ZNF544: variants seen among roughly 807,000 people sequenced by gnomAD.
ZNF544 encodes the protein zinc finger protein 544.
Under a neutral mutation model 13.5 loss-of-function variants are expected in ZNF544, and 10 were observed. The observed-to-expected ratio is 0.74, with a 90% confidence interval of 0.46 to 1.25. The LOEUF is 1.25. Ranked by LOEUF, ZNF544 falls within the 50% of genes most tolerant of loss-of-function variation. The pLI is 0.00. For synonymous variants in ZNF544, 323 were observed against 300.5 expected, an observed-to-expected ratio of 1.07 and a Z score of -0.77; for missense variants, 896 against 845.6, an observed-to-expected ratio of 1.06 and a Z score of -0.74.
Position 58,246,737 on chromosome 19 carries a change from ATC to A in ZNF544, c.192_193del (p.Gln65AlafsTer23), listed in dbSNP as rs775514815. The A allele has an allele frequency of 1.2e-6, 2 of 1,614,044 alleles. No homozygotes were observed. Among genetic ancestry groups the A allele is most frequent in the South Asian group, 1.1e-5 (1 of 91,080 alleles). Reference sequence around the variant, plus strand: ...GCTTTTCCTTTCCAAATCTGATGTGATCTCTCAGCTGGAGCAAGAAGAGGACC... The same window carrying A: ...GCTTTTCCTTTCCAAATCTGATGTGATCTCAGCTGGAGCAAGAAGAGGACC... ...LGLFLSKSDV[I>X]SQLEQEEDLC... is the part of the protein sequence containing the mutation. On this transcript the variant is annotated frameshift_variant, in exon 6 of 7. Coordinates refer to ENST00000687789, the MANE Select transcript of ZNF544 (RefSeq NM_014480.4). LOFTEE classifies it high-confidence loss of function.
At chr19:58,251,189 C>G (rs2046242731) in intron 6 of ZNF544, 2 of 371,984 alleles carry the variant, frequency 5.4e-6, no homozygotes, top group Non-Finnish European at 1.1e-5. Flanking sequence ...TAGAAGAAAG[C>G]AATTAAATTG....
At chr19:58,254,867 T>C in intron 6 of ZNF544, among the ~76,000 whole-genome samples, 1 of 150,260 alleles carries the variant, frequency 6.7e-6, no homozygotes, top group East Asian at 1.9e-4. Context: ...TTTCTTTCTT[T>C]TTTTTTTTTT....
At position 58,243,972 on chromosome 19, in the gene ZNF544, T is replaced by G. The variant is rs1475934980; in HGVS notation, c.-52T>G. 1 of 1,578,230 alleles carries G rather than the reference T, an allele frequency of 6.3e-7. No individual in the cohort carries two copies. The highest frequency in any genetic ancestry group is 8.6e-7 in the Non-Finnish European group (1 of 1,161,262). On this transcript the variant is annotated 5_prime_UTR_variant, in exon 4 of 7. Transcript: ENST00000687789. ...GCTTGTTTTCCACCCCAGACTGGTC[T>G]TCTGAGGACCTCTGCCCTCTACACA...
At chr19:58,276,054 G>T (rs1387045379) in intron 5 of ZNF544, among the ~76,000 whole-genome samples, 1 of 152,136 alleles carries the variant, frequency 6.6e-6, no homozygotes, top group African/African-American at 2.4e-5. Context: ...GCTCTCACCT[G>T]TGCTCCCAGC....
intron 5 of ZNF544, among the ~76,000 whole-genome samples, chr19:58,273,977 G>T (rs1476079542): frequency 6.6e-6 from 1 of 151,858 alleles, no homozygotes; most frequent in African/African-American, 2.4e-5. Flanking sequence ...TGTATTTTTA[G>T]TAGAGACGGG....
At chr19:58,237,542 G>A (rs1169113422) in intron 3 of ZNF544, among the ~76,000 whole-genome samples, 1 of 152,204 alleles carries the variant, frequency 6.6e-6, no homozygotes, top group Non-Finnish European at 1.5e-5. Context: ...CACCTCACGG[G>A]CTGACGGAGC....
In ZNF544 at chr19:58,261,573, G is replaced by C; in HGVS notation, c.967G>C (p.Glu323Gln). ...LVQTERSGPGETPFRCEERCA... is the reference protein window; with the variant it reads ...LVQTERSGPGQTPFRCEERCA... ...ACAAACAGAAAGAAGTGGCCCTGGA[G>C]AGACCCCCTTCAGATGTGAGGAACG... Residue 323 changes from glutamate (E) to glutamine (Q), a missense_variant, in exon 7 of 7, where the codon GAG (glutamate) becomes CAG (glutamine). Coordinates refer to ENST00000687789, the MANE Select transcript of ZNF544 (RefSeq NM_014480.4). The C allele has an allele frequency of 6.2e-7, 1 of 1,614,200 alleles. No individual in the cohort carries two copies. The highest frequency in any genetic ancestry group is 8.5e-7 in the Non-Finnish European group (1 of 1,180,034).
At chr19:58,240,891 T>C (rs79259289) in intron 3 of ZNF544, among the ~76,000 whole-genome samples, 29,913 of 151,482 alleles carry the variant, frequency 0.2, 3,588 homozygotes, top group East Asian at 0.56. Context: ...GTTTAGCATT[T>C]ACCTTTTTGG....
rs930788736 is a variant in ZNF544, at chr19:58,263,383, C to T, written c.*629C>T. 1.0e-6 allele frequency: 1 copy of T among 967,538 alleles called. No homozygotes were observed. The highest frequency in any genetic ancestry group is 1.2e-6 in the Non-Finnish European group (1 of 814,142). 59.9% of individuals were successfully genotyped at this position (967,538 alleles called of 1,614,324 possible). On this transcript the variant is annotated 3_prime_UTR_variant, in exon 7 of 7. Coordinates refer to ENST00000687789, the MANE Select transcript of ZNF544 (RefSeq NM_014480.4). ...GGCTGAGGTGGGAGGATCACTTGAG[C>T]TTGGGAGGCGGTGGTTGCAGTGAGC... is the stretch of plus-strand genomic sequence containing the variant.
At chr19:58,247,597 T>TG (rs1001268745) in intron 6 of ZNF544, 11 of 151,982 alleles carry the variant, frequency 7.2e-5, no homozygotes, top group African/African-American at 2.7e-4. Flanking sequence ...GGTTTCTCCA[T>TG]GTTGGTCAGG....
intron 5 of ZNF544, among the ~76,000 whole-genome samples, chr19:58,273,868 TC>T (rs1490181236): frequency 1.8e-4 from 27 of 151,618 alleles, no homozygotes; most frequent in Admixed American, 1.8e-3. Context: ...TGGCCTCAGC[TC>T]ACTGCAACCT....
chr19:58,231,553 T>C (rs1383370367), intron 3 of ZNF544, among the ~76,000 whole-genome samples: 1 of 152,142 alleles, frequency 6.6e-6, no homozygotes, highest in African/African-American at 2.4e-5. Flanking sequence ...CCGGTGTGTT[T>C]TAATTCATGT....
chr19:58,256,248 G>C (rs948949233), intron 6 of ZNF544, among the ~76,000 whole-genome samples: 1 of 152,072 alleles, frequency 6.6e-6, no homozygotes, highest in African/African-American at 2.4e-5. Flanking sequence ...CCAGTGGAGG[G>C]TGTCTATGTT....
At chr19:58,277,044 A>T (rs979652526) in intron 6 of ZNF544, 1 of 455,684 alleles carries the variant, frequency 2.2e-6, no homozygotes, top group Non-Finnish European at 3.6e-6. Context: ...TTAAAGTATC[A>T]GTCTGATTAT....
chr19:58,247,082 T>C (rs1204551031), intron 6 of ZNF544, among the ~76,000 whole-genome samples: 2 of 151,730 alleles, frequency 1.3e-5, no homozygotes, highest in Admixed American at 6.6e-5. Context: ...TTAATTAATG[T>C]ATGTATTTAT....
At chr19:58,266,289 A>T (rs928114946), downstream of ZNF544, among the ~76,000 whole-genome samples, 13 of 146,616 alleles carry the variant, frequency 8.9e-5, no homozygotes, top group South Asian at 2.2e-4. Flanking sequence ...GAGGCCAAGG[A>T]GGGTGGATCA....
chr19:58,252,967 G>A (rs907418746), intron 6 of ZNF544, among the ~76,000 whole-genome samples: 3 of 152,136 alleles, frequency 2.0e-5, no homozygotes, highest in East Asian at 3.9e-4. Flanking sequence ...TTACAGGCAC[G>A]TGCCGCCACA....
chr19:58,253,335 C>A (rs1437279116), intron 6 of ZNF544, among the ~76,000 whole-genome samples: 1 of 152,064 alleles, frequency 6.6e-6, no homozygotes, highest in Non-Finnish European at 1.5e-5. Flanking sequence ...TTTTTATTAC[C>A]AATGAATATC....
At position 58,263,142 on chromosome 19, in the gene ZNF544, G is replaced by A. The variant is rs987688603; in HGVS notation, c.*388G>A. 1.5e-5 allele frequency: 15 copies of A among 1,007,758 alleles called. No homozygotes were observed. In the African/African-American group the frequency reaches 2.4e-4, roughly 16 times the overall value. The allele number at this position is 1,007,758 out of a possible 1,614,324, so 62.4% of individuals were successfully genotyped here. On this transcript the variant is annotated 3_prime_UTR_variant, in exon 7 of 7. Coordinates refer to ENST00000687789, the MANE Select transcript of ZNF544 (RefSeq NM_014480.4). The stretch of plus-strand genomic sequence containing the variant: ...TACTTTCCTTATTCAACATGAGAAA[G>A]CTCATGGGCAAGAAACTCTATGAAT...
Sources: allele counts gnomAD v4.1 joint callset (sites outside exome capture counted in the v4.1 genomes callset), GRCh38; gene constraint gnomAD v4.1.1; transcripts MANE v1.5; gene names NCBI Gene and HGNC (gene_info 2026-07-23, HGNC 2026-07-21).